The following TMEM230 variants were observed in gnomAD, a reference collection of about 807,000 sequenced individuals.
The protein encoded by TMEM230 is UPF0414 transmembrane protein C20orf30.
In TMEM230, 10 loss-of-function variants were observed where a neutral mutation model predicts 15.8. The ratio of observed to expected loss-of-function variants is 0.63; its 90% CI spans 0.39 to 1.07. The LOEUF (loss-of-function observed/expected upper bound fraction) is 1.07, where lower values mean the gene tolerates loss of function less well. TMEM230 is among the 50% of genes least tolerant of loss of function. TMEM230 has a pLI of 0.01. For missense variants in TMEM230, 165 were observed against 193.3 expected (o/e 0.85, Z 0.87); for synonymous variants, 67 against 76.9 (o/e 0.87, Z 0.68).
At chr20:5,081,870 T>TTC (rs1395577734) in intron 3 of TMEM230, among the ~76,000 whole-genome samples, 19 of 42,878 alleles carry the variant, frequency 4.4e-4, no homozygotes, top group African/African-American at 9.9e-4. Context: ...TTTTCTTTTT[T>TTC]TTCTTTTTTT....
At chr20:5,072,462 C>A (rs1303164358) in intron 3 of TMEM230, among the ~76,000 whole-genome samples, 1 of 152,122 alleles carries the variant, frequency 6.6e-6, no homozygotes. Context: ...GAAGAACTCT[C>A]CCCGGCATCT....
chr20:5,067,436 TATATATATATATATATATATA>T (rs2088682480), downstream of TMEM230: 5 of 99,486 alleles, frequency 5.0e-5, no homozygotes, highest in Admixed American at 9.3e-5. Context: ...TATATATATA[TATATATATATATATATATATA>T]TATTTTAAGA....
chr20:5,091,748 G>A (rs920817049), intron 3 of TMEM230, among the ~76,000 whole-genome samples: 35 of 152,238 alleles, frequency 2.3e-4, no homozygotes, highest in African/African-American at 7.5e-4. Flanking sequence ...AGCTATGTCC[G>A]TAGTAGATGC....
chr20:5,104,388 A>C (rs2089988238), intron 4 of TMEM230, among the ~76,000 whole-genome samples: 1 of 152,236 alleles, frequency 6.6e-6, no homozygotes, highest in Non-Finnish European at 1.5e-5. Flanking sequence ...AAAAAACGGC[A>C]ATAACGAATG....
At chr20:5,083,669 C>T (rs1443222504) in intron 3 of TMEM230, among the ~76,000 whole-genome samples, 3 of 152,112 alleles carry the variant, frequency 2.0e-5, no homozygotes, top group Non-Finnish European at 4.4e-5. Flanking sequence ...TTAACACATT[C>T]GTTTGGATGG....
At chr20:5,059,194 GT>G in the TMEM230 span, among the ~76,000 whole-genome samples, 1 of 150,990 alleles carries the variant, frequency 6.6e-6, no homozygotes, top group Non-Finnish European at 1.5e-5. Flanking sequence ...GACAGGTTTT[GT>G]TCTGTTGCCC....
At chr20:5,086,602 CT>C (rs1279296482) in intron 3 of TMEM230, among the ~76,000 whole-genome samples, 5 of 149,182 alleles carry the variant, frequency 3.4e-5, no homozygotes, top group African/African-American at 7.4e-5. Flanking sequence ...TTTATATATG[CT>C]TTTTTTTCTG....
chr20:5,087,027 C>T lies in TMEM230; in HGVS notation c.223-17678G>A, dbSNP rs116010355. On this transcript the variant is annotated intron_variant, in intron 3 of 3. Transcript: ENST00000612323. ...TCGCTGGGACTTCAGGCATGCACCA[C>T]CATGCTCAGCTAATTTTTGATTTTT... is the stretch of plus-strand genomic sequence containing the variant. 3.9e-3 allele frequency among the ~76,000 whole-genome samples: 596 copies of T among 152,274 alleles called. 4 individuals carry two copies. The highest frequency in any genetic ancestry group is 0.014 in the African/African-American group (567 of 41,550).
At chr20:5,107,176 C>T (rs1345976118) in intron 3 of TMEM230, among the ~76,000 whole-genome samples, 1 of 152,202 alleles carries the variant, frequency 6.6e-6, no homozygotes, top group Non-Finnish European at 1.5e-5. Flanking sequence ...GTGGCATGTG[C>T]CTGCAGTCCC....
At chr20:5,087,329 T>C (rs1286184908) in intron 3 of TMEM230, among the ~76,000 whole-genome samples, 2 of 152,056 alleles carry the variant, frequency 1.3e-5, no homozygotes, top group African/African-American at 4.8e-5. Context: ...CACTCCAAAG[T>C]ATCAATTACT....
chr20:5,106,078 AACACACACACACACACACAC>A (rs61087830), intron 4 of TMEM230, 90 bp downstream of exon 3: 10 of 551,086 alleles, frequency 1.8e-5, no homozygotes, highest in African/African-American at 5.9e-5. Flanking sequence ...GGGACGGACA[AACACACACACACACACACAC>A]ACACACACAC....
At chr20:5,099,574 C>T (rs527866463), downstream of TMEM230, among the ~76,000 whole-genome samples, 10 of 152,250 alleles carry the variant, frequency 6.6e-5, no homozygotes, top group African/African-American at 2.4e-4. Context: ...ATTTCTATTT[C>T]CATCCAAGAC....
chr20:5,063,277 A>ATTTTTTTT (rs1165126313), downstream of TMEM230, among the ~76,000 whole-genome samples: 54 of 86,410 alleles, frequency 6.2e-4, 5 homozygotes, highest in African/African-American at 1.5e-3. Context: ...GCTGCTATGA[A>ATTTTTTTT]TTTTTTTTTT....
chr20:5,109,869 T>A (rs950944701), intron 2 of TMEM230, among the ~76,000 whole-genome samples: 50 of 152,288 alleles, frequency 3.3e-4, no homozygotes, highest in African/African-American at 1.1e-3. Flanking sequence ...CTCCCGCTCT[T>A]AAGAAAAAGC....
At chr20:5,076,498 G>A (rs1286542730) in intron 3 of TMEM230, among the ~76,000 whole-genome samples, 3 of 151,756 alleles carry the variant, frequency 2.0e-5, no homozygotes, top group Admixed American at 6.6e-5. Flanking sequence ...CTGAGAGCGC[G>A]CCACTGCACT....
At chr20:5,078,850 T>C (rs965499136) in intron 3 of TMEM230, among the ~76,000 whole-genome samples, 9 of 151,860 alleles carry the variant, frequency 5.9e-5, no homozygotes, top group Admixed American at 3.3e-4. Flanking sequence ...ACTGCAGTGG[T>C]GTGATCATGG....
chr20:5,096,248 C>T (rs2089661672), downstream of TMEM230, among the ~76,000 whole-genome samples: 1 of 152,248 alleles, frequency 6.6e-6, no homozygotes, highest in Admixed American at 6.5e-5. Flanking sequence ...AAGCAGTGAT[C>T]CTCTTTACTT....
intron 3 of TMEM230, among the ~76,000 whole-genome samples, chr20:5,088,042 C>T (rs1253557028): frequency 6.9e-6 from 1 of 145,976 alleles, no homozygotes; most frequent in Non-Finnish European, 1.5e-5. Context: ...AGCATGGTGG[C>T]TCACGCCTGT....
chr20:5,089,235 C>T (rs1441393356), intron 3 of TMEM230, among the ~76,000 whole-genome samples: 1 of 152,010 alleles, frequency 6.6e-6, no homozygotes, highest in Non-Finnish European at 1.5e-5. Flanking sequence ...ATTAGCCGGG[C>T]GTGGTGGCAC....
Sources: gnomAD v4.1 joint callset for allele counts (sites outside exome capture counted in the v4.1 genomes callset) on GRCh38, gnomAD v4.1.1 for gene constraint, MANE v1.5 for transcripts, NCBI Gene and HGNC (gene_info 2026-07-23, HGNC 2026-07-21) for gene names.